TTC28: variants seen among roughly 807,000 people sequenced by gnomAD.
TTC28 encodes the protein tetratricopeptide repeat domain 28.
In TTC28, 61 loss-of-function variants were observed where a neutral mutation model predicts 198.0. The observed-to-expected ratio is 0.31, with a 90% CI of 0.25 to 0.38. TTC28 has a LOEUF of 0.38. Among genes scored for constraint, TTC28 ranks in the 10% least tolerant of loss-of-function variants. The pLI is 1.00. For missense variants in TTC28, 2,678 were observed against 3,164.0 expected (o/e 0.85, Z 3.69); for synonymous variants, 1,171 against 1,297.8 (o/e 0.90, Z 2.10).
Position 28,235,122 on chromosome 22 carries a change from G to A in TTC28, c.933+61076C>T, listed in dbSNP as rs192895359. ...TGAAACAGCTCTCCCAGAGTCACAAGAAATGTCAGTGGCAAAGCTGCCACC... is the reference window on the plus strand; with the variant it reads ...TGAAACAGCTCTCCCAGAGTCACAAAAAATGTCAGTGGCAAAGCTGCCACC... On this transcript the variant is annotated intron_variant, in intron 5 of 22. Coordinates refer to ENST00000397906, the MANE Select transcript of TTC28 (RefSeq NM_001145418.2). 1.8e-4 allele frequency among the ~76,000 whole-genome samples: 28 copies of A among 152,324 alleles called. No homozygotes were observed. The East Asian group carries it at 5.4e-3, about 29-fold the overall frequency.
chr22:28,389,992 T>G (rs1271574337), intron 2 of TTC28, among the ~76,000 whole-genome samples: 1 of 150,824 alleles, frequency 6.6e-6, no homozygotes, highest in Non-Finnish European at 1.5e-5. Context: ...TGCTATAAAT[T>G]TCCCTCTACA....
chr22:28,370,567 G>A (rs1238360229), intron 2 of TTC28, among the ~76,000 whole-genome samples: 2 of 152,060 alleles, frequency 1.3e-5, no homozygotes, highest in African/African-American at 4.8e-5. Context: ...TAATACCAAT[G>A]ACTGAACATA....
chr22:28,516,610 G>C (rs373141988), intron 2 of TTC28, among the ~76,000 whole-genome samples: 8 of 151,766 alleles, frequency 5.3e-5, no homozygotes, highest in African/African-American at 1.9e-4. Flanking sequence ...GGGCCTGTCA[G>C]GGGGTGGGGG....
chr22:28,098,824 C>T, intron 10 of TTC28, 91 bp downstream of exon 10: 2 of 1,439,610 alleles, frequency 1.4e-6, no homozygotes, highest in Non-Finnish European at 1.9e-6. Context: ...CATATTTCTT[C>T]ACCGCTGTCA....
At chr22:28,672,005 T>C (rs534174740) in intron 1 of TTC28, among the ~76,000 whole-genome samples, 5 of 150,910 alleles carry the variant, frequency 3.3e-5, no homozygotes, top group Admixed American at 2.6e-4. Flanking sequence ...AAAATTAAAA[T>C]AGAAATAAAC....
rs944314051 is a variant in TTC28 at position 28,279,133 on chromosome 22, T to C, written c.933+17065A>G. On this transcript the variant is annotated intron_variant, in intron 5 of 22. Coordinates refer to ENST00000397906, the MANE Select transcript of TTC28 (RefSeq NM_001145418.2). ...ACAGTCAAAAGAACTGTACAGTGAA[T>C]AACATAATCCATAGTAAGATTCTAC... Among the ~76,000 whole-genome samples, 3 of 152,224 alleles carry C rather than the reference T, an allele frequency of 2.0e-5. No homozygotes were observed. The East Asian group carries it at 5.8e-4, about 29-fold the overall frequency.
rs1190825211 is a variant in TTC28 at position 28,312,255 on chromosome 22, CAAT to C, written c.382-5615_382-5613del. Reference sequence around the variant, plus strand: ...CTACAAAGAGACTTAGACTCCCACACAATAATAGTGGGAGACTTTAACACCCCA... The same window carrying C: ...CTACAAAGAGACTTAGACTCCCACACAATAGTGGGAGACTTTAACACCCCA... On this transcript the variant is annotated intron_variant, in intron 2 of 22. Coordinates refer to ENST00000397906, the MANE Select transcript of TTC28 (RefSeq NM_001145418.2). Among the ~76,000 whole-genome samples the C allele has an allele frequency of 1.6e-4, 25 of 152,202 alleles. No homozygotes were observed. The East Asian group carries it at 4.9e-3, about 30-fold the overall frequency.
At chr22:28,179,246 G>A (rs1472889602) in intron 5 of TTC28, among the ~76,000 whole-genome samples, 3 of 150,034 alleles carry the variant, frequency 2.0e-5, no homozygotes, top group Non-Finnish European at 4.4e-5. Flanking sequence ...TACAACCTCC[G>A]CCTCCCAGGG....
At chr22:28,272,507 T>C (rs1370073756) in intron 5 of TTC28, among the ~76,000 whole-genome samples, 1 of 152,154 alleles carries the variant, frequency 6.6e-6, no homozygotes, top group African/African-American at 2.4e-5. Context: ...CTCTCTAAGA[T>C]CCTTATCTGA....
At chr22:27,988,583 C>T (rs1005475154) in intron 21 of TTC28, among the ~76,000 whole-genome samples, 1 of 152,056 alleles carries the variant, frequency 6.6e-6, no homozygotes, top group African/African-American at 2.4e-5. Flanking sequence ...CCACCGCACC[C>T]GGCAGGAAAG....
In TTC28 at chr22:28,326,878, G is replaced by C. The variant is rs547533841; in HGVS notation, c.382-20235C>G. On this transcript the variant is annotated intron_variant, in intron 2 of 22. Transcript: ENST00000397906. The stretch of plus-strand genomic sequence containing the variant: ...TATAAAGATCAATCCAGGGTTGTGA[G>C]ACCTGTGGAAGATTGTTTTAAATAT... Among the ~76,000 whole-genome samples the C allele has an allele frequency of 2.6e-5, 4 of 152,094 alleles. No homozygotes were observed. The East Asian group carries it at 7.7e-4, about 29-fold the overall frequency.
At chr22:28,489,856 T>C (rs1481158808) in intron 2 of TTC28, among the ~76,000 whole-genome samples, 2 of 152,086 alleles carry the variant, frequency 1.3e-5, no homozygotes, top group Non-Finnish European at 2.9e-5. Context: ...ACTAATAGGA[T>C]AGATAGGTAT....
chr22:28,254,109 AAAAAAAAAGG>A (rs1349636835), intron 5 of TTC28, among the ~76,000 whole-genome samples: 1 of 152,008 alleles, frequency 6.6e-6, no homozygotes, highest in African/African-American at 2.4e-5. Context: ...ATCTCAAAAA[AAAAAAAAAGG>A]AAAAAAAAGA....
chr22:28,496,861 GTCC>G, intron 2 of TTC28, among the ~76,000 whole-genome samples: 1 of 151,920 alleles, frequency 6.6e-6, no homozygotes, highest in African/African-American at 2.4e-5. Context: ...CTAACCCTTG[GTCC>G]TCCTCCTCAC....
chr22:28,328,294 T>C (rs905163927), intron 2 of TTC28, among the ~76,000 whole-genome samples: 3 of 151,804 alleles, frequency 2.0e-5, no homozygotes, highest in Admixed American at 6.6e-5. Context: ...TTTAAAAAAA[T>C]AGCCGGTCAT....
At chr22:28,663,454 C>CCGAAGCAGGGCCA (rs1290445395) in intron 1 of TTC28, among the ~76,000 whole-genome samples, 12 of 144,996 alleles carry the variant, frequency 8.3e-5, no homozygotes, top group Admixed American at 7.6e-4. Context: ...CGTGCGCGAG[C>CCGAAGCAGGGCCA]CGAAGCAGGG....
intron 6 of TTC28, among the ~76,000 whole-genome samples, chr22:28,154,531 T>C (rs566199344): frequency 2.6e-5 from 4 of 152,170 alleles, no homozygotes; most frequent in South Asian, 2.1e-4. Context: ...TTTCTTTTTA[T>C]ATTTTTAGTA....
At chr22:28,473,239 T>C (rs892077027) in intron 2 of TTC28, among the ~76,000 whole-genome samples, 4 of 152,222 alleles carry the variant, frequency 2.6e-5, no homozygotes, top group Non-Finnish European at 5.9e-5. Context: ...AATTAATATG[T>C]TGAGGTCCTA....
At chr22:28,230,497 C>T (rs183474461) in intron 5 of TTC28, among the ~76,000 whole-genome samples, 48 of 152,220 alleles carry the variant, frequency 3.2e-4, no homozygotes, top group African/African-American at 1.1e-3. Flanking sequence ...CTTCTCATTG[C>T]CCAGAAAAGA....
Sources: gnomAD v4.1 joint callset for allele counts (sites outside exome capture counted in the v4.1 genomes callset) on GRCh38, gnomAD v4.1.1 for gene constraint, MANE v1.5 for transcripts, NCBI Gene and HGNC (gene_info 2026-07-23, HGNC 2026-07-21) for gene names.